HDAC4: variants seen among roughly 807,000 people sequenced by gnomAD.
HDAC4 encodes histone deacetylase A.
Under a neutral mutation model 135.1 loss-of-function variants are expected in HDAC4, and 16 were observed. The observed-to-expected ratio is 0.12, with a 90% CI of 0.08 to 0.18. HDAC4 has a LOEUF of 0.18. Among genes scored for constraint, HDAC4 ranks in the 10% least tolerant of loss-of-function variants. The pLI is 1.00. For missense variants in HDAC4, 1,143 were observed against 1,511.8 expected, an observed-to-expected ratio of 0.76 and a Z score of 4.05; for synonymous variants, 685 against 653.4, an observed-to-expected ratio of 1.05 and a Z score of -0.74.
At chr2:239,132,341 G>A (rs1356641258) in intron 11 of HDAC4, among the ~76,000 whole-genome samples, 4 of 152,210 alleles carry the variant, frequency 2.6e-5, no homozygotes, top group South Asian at 2.1e-4. Flanking sequence ...CGCTGCACAC[G>A]TGACACTGGC....
chr2:239,367,380 T>C (rs1416089942), intron 1 of HDAC4, among the ~76,000 whole-genome samples: 1 of 152,232 alleles, frequency 6.6e-6, no homozygotes, highest in Non-Finnish European at 1.5e-5. Flanking sequence ...TATTTTTTGT[T>C]AAAAATGTTA....
At chr2:239,329,752 A>G (rs376860545) in intron 2 of HDAC4, among the ~76,000 whole-genome samples, 52 of 152,318 alleles carry the variant, frequency 3.4e-4, no homozygotes, top group African/African-American at 1.1e-3. Flanking sequence ...CTGGATCCCA[A>G]CAGGAGGACA....
intron 1 of HDAC4, among the ~76,000 whole-genome samples, chr2:239,362,357 C>T (rs971138752): frequency 3.3e-5 from 5 of 152,214 alleles, no homozygotes; most frequent in Admixed American, 2.6e-4. Context: ...TTCCTCCTCC[C>T]GCAGCTTGGA....
At chr2:239,154,527 C>T (rs1426629430) in intron 7 of HDAC4, 1 of 152,332 alleles carries the variant, frequency 6.6e-6, no homozygotes, top group African/African-American at 2.4e-5. Context: ...CGGCATCGCT[C>T]CAGTTTCTAG....
At chr2:239,182,235 C>T (rs969237269) in intron 4 of HDAC4, among the ~76,000 whole-genome samples, 2 of 152,184 alleles carry the variant, frequency 1.3e-5, no homozygotes, top group African/African-American at 4.8e-5. Context: ...CAAACACAGT[C>T]CTTTGTTGAA....
chr2:239,076,782 G>GA (rs1018178279), intron 22 of HDAC4, among the ~76,000 whole-genome samples: 1 of 152,194 alleles, frequency 6.6e-6, no homozygotes, highest in Non-Finnish European at 1.5e-5. Context: ...CACCCACTTG[G>GA]ATGGACACTT....
chr2:239,067,858 C>T (rs757212810), intron 23 of HDAC4, among the ~76,000 whole-genome samples: 11 of 152,206 alleles, frequency 7.2e-5, no homozygotes, highest in Admixed American at 1.3e-4. Context: ...GGGCTAGGAC[C>T]AAGGCCACAG....
At chr2:239,380,924 G>A (rs1274406501) in intron 1 of HDAC4, among the ~76,000 whole-genome samples, 4 of 152,262 alleles carry the variant, frequency 2.6e-5, no homozygotes, top group African/African-American at 9.6e-5. Context: ...CCTGTGGATC[G>A]AGGTCACCCC....
chr2:239,096,718 CCAGCACCCCCCACGGACAT>C (rs2037130446), intron 16 of HDAC4, among the ~76,000 whole-genome samples: 1 of 125,088 alleles, frequency 8.0e-6, no homozygotes, highest in Non-Finnish European at 1.7e-5. Context: ...CCCACGGACA[CCAGCACCCCCCACGGACAT>C]CCACACGGAC....
intron 2 of HDAC4, among the ~76,000 whole-genome samples, chr2:239,265,328 G>A (rs996620538): frequency 3.3e-5 from 5 of 152,184 alleles, no homozygotes; most frequent in African/African-American, 4.8e-5. Context: ...AGCAAACACC[G>A]CCACAGACTT....
rs1426068538 is a variant in HDAC4 at position 239,074,005 on chromosome 2, G to GGCAGCAGGACTGAGGGGA, written c.2751-5416_2751-5399dup. Among the ~76,000 whole-genome samples, 565 of 147,204 alleles carry GGCAGCAGGACTGAGGGGA rather than the reference G, an allele frequency of 3.8e-3. 4 individuals are homozygous for GGCAGCAGGACTGAGGGGA. The highest frequency in any genetic ancestry group is 6.8e-3 in the Non-Finnish European group (449 of 66,444). On this transcript the variant is annotated intron_variant, in intron 22 of 26. Coordinates refer to ENST00000543185, the MANE Select transcript of HDAC4 (RefSeq NM_001378414.1). ...CTGAGGGGGCCGCAGGACTGAGGGGGGCAGCAGGACTGAGGGGAGCAGCAG... is the reference window on the plus strand; with the variant it reads ...CTGAGGGGGCCGCAGGACTGAGGGGGGCAGCAGGACTGAGGGGAGCAGCAGGACTGAGGGGAGCAGCAG...
At chr2:239,198,443 T>C (rs2045545148) in intron 3 of HDAC4, among the ~76,000 whole-genome samples, 1 of 152,130 alleles carries the variant, frequency 6.6e-6, no homozygotes, top group South Asian at 2.1e-4. Flanking sequence ...GAGCTGGGCC[T>C]TCAGTGTACC....
intron 1 of HDAC4, among the ~76,000 whole-genome samples, chr2:239,398,150 C>T (rs1269029805): frequency 6.6e-6 from 1 of 152,220 alleles, no homozygotes; most frequent in Non-Finnish European, 1.5e-5. Flanking sequence ...CTCTCAGCAA[C>T]GGCAGTTCTC....
chr2:239,275,127 G>A (rs1256418557), intron 2 of HDAC4, among the ~76,000 whole-genome samples: 1 of 151,996 alleles, frequency 6.6e-6, no homozygotes, highest in Non-Finnish European at 1.5e-5. Context: ...ATCTCCCGTG[G>A]CTGACGGGGA....
At chr2:239,226,958 A>G (rs1403355085) in intron 3 of HDAC4, among the ~76,000 whole-genome samples, 1 of 152,242 alleles carries the variant, frequency 6.6e-6, no homozygotes, top group Non-Finnish European at 1.5e-5. Flanking sequence ...CTGCTGAAAC[A>G]GTGTGTGGAT....
intron 22 of HDAC4, among the ~76,000 whole-genome samples, chr2:239,075,132 G>A (rs1462963051): frequency 4.7e-5 from 7 of 148,218 alleles, no homozygotes; most frequent in African/African-American, 1.7e-4. Context: ...GCTGAGGCAG[G>A]AGAATGGCAT....
intron 2 of HDAC4, among the ~76,000 whole-genome samples, chr2:239,343,835 C>T (rs1368027867): frequency 3.9e-5 from 6 of 152,136 alleles, no homozygotes; most frequent in Non-Finnish European, 5.9e-5. Flanking sequence ...GCCTCTGATG[C>T]GCTGCCCAGC....
intron 4 of HDAC4, among the ~76,000 whole-genome samples, chr2:239,184,250 G>A (rs1048815767): frequency 2.6e-5 from 4 of 152,298 alleles, no homozygotes; most frequent in Middle Eastern, 3.4e-3. Flanking sequence ...ACATACAAAA[G>A]GTGCCCTGTA....
chr2:239,276,950 G>A (rs1316564324), intron 2 of HDAC4, among the ~76,000 whole-genome samples: 1 of 151,770 alleles, frequency 6.6e-6, no homozygotes, highest in Admixed American at 6.6e-5. Flanking sequence ...TCTAGCCCTT[G>A]GGGAACACCA....
Sources: allele counts gnomAD v4.1 joint callset (sites outside exome capture counted in the v4.1 genomes callset), GRCh38; gene constraint gnomAD v4.1.1; transcripts MANE v1.5; gene names NCBI Gene and HGNC (gene_info 2026-07-23, HGNC 2026-07-21).